The following DCAF17 variants were observed in gnomAD, a reference collection of about 807,000 sequenced individuals.
DCAF17 encodes DDB1- and CUL4-associated factor 17.
DCAF17 carries 48 observed loss-of-function variants against 66.0 expected under a neutral mutation model. The ratio of observed to expected loss-of-function variants is 0.73; its 90% confidence interval spans 0.58 to 0.92. DCAF17 has a LOEUF of 0.92. DCAF17 is among the 40% of genes least tolerant of loss of function. The pLI, the probability that DCAF17 is intolerant of heterozygous loss-of-function variation, is 0.00. For missense variants in DCAF17, 562 were observed against 622.8 expected (o/e 0.90, Z 1.04); for synonymous variants, 206 against 214.6 (o/e 0.96, Z 0.35).
rs1284125030 is a variant in DCAF17 at position 171,479,156 on chromosome 2, A to T, written c.1267-882A>T. Reference sequence around the variant, plus strand: ...TAATAATCAAACGTAATAAATCCATATAAATTTTTATGTCTTAGGGTGGTA... The same window carrying T: ...TAATAATCAAACGTAATAAATCCATTTAAATTTTTATGTCTTAGGGTGGTA... On this transcript the variant is annotated intron_variant, in intron 12 of 13. Transcript: ENST00000375255. 2.0e-5 allele frequency among the ~76,000 whole-genome samples: 3 copies of T among 152,222 alleles called. No homozygotes were observed. The East Asian group carries it at 5.8e-4, about 29-fold the overall frequency.
At chr2:171,474,035 T>C in intron 10 of DCAF17, 60 bp downstream of exon 10, 1 of 1,430,076 alleles carries the variant, frequency 7.0e-7, no homozygotes, top group Non-Finnish European at 9.8e-7. Context: ...TTTATTGGCA[T>C]CTTTATTTTT....
At chr2:171,467,468 C>A (rs983235787) in intron 8 of DCAF17, among the ~76,000 whole-genome samples, 1 of 151,992 alleles carries the variant, frequency 6.6e-6, no homozygotes. Context: ...GCAGGCGGAT[C>A]GCTTGTGGCC....
chr2:171,457,636 C>T lies in DCAF17; in HGVS notation c.628-335C>T, dbSNP rs146963549. ...TAGTAGATTAAATATTCATTTAGAA[C>T]GACATGGCCTTGGTGTATGCCAGTG... On this transcript the variant is annotated intron_variant, in intron 6 of 13. Coordinates refer to ENST00000375255, the MANE Select transcript of DCAF17 (RefSeq NM_025000.4). Among the ~76,000 whole-genome samples the T allele has an allele frequency of 1.2e-3, 184 of 152,222 alleles. 3 individuals carry two copies. The highest frequency in any genetic ancestry group is 4.4e-3 in the African/African-American group (181 of 41,536).
In DCAF17 at chr2:171,458,076, G is replaced by A; in HGVS notation, c.732+1G>A. On this transcript the variant is annotated splice_donor_variant, in intron 7 of 13. Transcript: ENST00000375255. LOFTEE classifies it high-confidence loss of function. ...TAGCTTCCAAACCATCGCTGAACAG[G>A]TAGAGAAAACTGAAATTTGTCATGT... is the stretch of plus-strand genomic sequence containing the variant. 1 of 1,612,908 alleles carries A rather than the reference G, an allele frequency of 6.2e-7. No individual in the cohort carries two copies. The highest frequency in any genetic ancestry group is 8.5e-7 in the Non-Finnish European group (1 of 1,179,160).
Position 171,458,014 on chromosome 2 carries a change from T to C in DCAF17, c.671T>C (p.Leu224Pro), listed in dbSNP as rs1422292058. ...GATGCTACCTTGTCTCATGGAATAC[T>C]GATTGTGATGTACAGCTCAGGACTG... The part of the protein sequence containing the change: ...VTDATLSHGI[L>P]IVMYSSGLVR... The change falls in exon 7 of 14, where the codon CTG (leucine) becomes CCG (proline). Residue 224 changes from leucine to proline, a missense_variant. By Grantham distance (98) the Leu-to-Pro change is moderately conservative. Transcript: ENST00000375255. 1 of 1,614,162 alleles carries C rather than the reference T, an allele frequency of 6.2e-7. No individual in the cohort carries two copies. Among genetic ancestry groups the C allele is most frequent in the Admixed American group, 1.7e-5 (1 of 60,028 alleles).
chr2:171,469,558 G>T (rs116512816), intron 9 of DCAF17, among the ~76,000 whole-genome samples: 8 of 152,136 alleles, frequency 5.3e-5, no homozygotes, highest in African/African-American at 1.9e-4. Context: ...TCTACCCTTC[G>T]AATTCATTTT....
chr2:171,472,544 A>G (rs939297817), intron 9 of DCAF17, among the ~76,000 whole-genome samples: 4 of 152,136 alleles, frequency 2.6e-5, no homozygotes, highest in Non-Finnish European at 5.9e-5. Flanking sequence ...CTTATCCTTT[A>G]AGGCTCATTT....
intron 8 of DCAF17, among the ~76,000 whole-genome samples, chr2:171,468,413 T>C (rs1261689200): frequency 1.3e-5 from 2 of 152,172 alleles, no homozygotes; most frequent in East Asian, 1.9e-4. Context: ...GATGTATACC[T>C]GAGTATACCT....
chr2:171,466,103 A>T (rs981318668), intron 8 of DCAF17, among the ~76,000 whole-genome samples: 1 of 152,076 alleles, frequency 6.6e-6, no homozygotes, highest in Non-Finnish European at 1.5e-5. Flanking sequence ...GGCTCAAGCA[A>T]TCCACCCACC....
rs1372328368 is a variant in DCAF17, at chr2:171,481,484, G to A, written c.*370G>A. 4 of 457,500 alleles carry A rather than the reference G, an allele frequency of 8.7e-6. No individual in the cohort carries two copies. Among genetic ancestry groups the A allele is most frequent in the African/African-American group, 4.0e-5 (2 of 50,148 alleles). 28.3% of individuals were successfully genotyped at this position (457,500 alleles called of 1,614,324 possible). ...TAAAGGATGGTATGGAATTTTGTTT[G>A]TTAAGGCTAGGAAAGACAGGGAGAG... On this transcript the variant is annotated 3_prime_UTR_variant, in exon 14 of 14. Transcript: ENST00000375255.
rs1281715681 is a variant in DCAF17 at position 171,482,234 on chromosome 2, A to T, written c.*1120A>T. On this transcript the variant is annotated 3_prime_UTR_variant, in exon 14 of 14. Transcript: ENST00000375255. The stretch of plus-strand genomic sequence containing the variant: ...TCCATTTCGCATGTTCTGCACATTT[A>T]TCCGATGTAACCTCAAAAGAATAAC... The T allele has an allele frequency of 1.1e-5, 5 of 453,862 alleles. No homozygotes were observed. The highest frequency in any genetic ancestry group is 2.2e-5 in the Non-Finnish European group (5 of 226,734). The allele number at this position is 453,862 out of a possible 1,614,324, so 28.1% of individuals were successfully genotyped here. A position where few individuals can be genotyped will look rare whatever the true frequency, so the allele number is the denominator to read the frequency against.
At chr2:171,435,547 C>CT (rs35241834) in intron 2 of DCAF17, among the ~76,000 whole-genome samples, 27,808 of 136,392 alleles carry the variant, frequency 0.2, 2,877 homozygotes, top group Non-Finnish European at 0.25. Flanking sequence ...AAGTACTTGC[C>CT]TTTTTTTTTT....
intron 11 of DCAF17, 54 bp downstream of exon 11, chr2:171,477,004 A>G (rs1696530041): frequency 1.1e-5 from 14 of 1,297,728 alleles, no homozygotes; most frequent in Non-Finnish European, 1.6e-5. Context: ...TCTATATAAG[A>G]CTATAATATG....
At chr2:171,453,615 G>A (rs1695079757) in intron 6 of DCAF17, among the ~76,000 whole-genome samples, 1 of 152,008 alleles carries the variant, frequency 6.6e-6, no homozygotes, top group African/African-American at 2.4e-5. Context: ...TATATAACAA[G>A]CCTTATATTT....
chr2:171,468,812 G>A, intron 8 of DCAF17, 76 bp from the exon 9 acceptor site: 6 of 1,574,822 alleles, frequency 3.8e-6, no homozygotes, highest in Non-Finnish European at 5.2e-6. Flanking sequence ...TGCAAAGAAA[G>A]GTTGAATTCA....
intron 10 of DCAF17, among the ~76,000 whole-genome samples, chr2:171,474,932 GTC>G (rs1270372758): frequency 2.0e-5 from 3 of 152,234 alleles, no homozygotes; most frequent in African/African-American, 7.2e-5. Flanking sequence ...CTCTTGCGCT[GTC>G]TGTTTTCTTC....
intron 2 of DCAF17, among the ~76,000 whole-genome samples, chr2:171,440,489 C>T (rs1464558278): frequency 6.6e-6 from 1 of 152,006 alleles, no homozygotes; most frequent in Non-Finnish European, 1.5e-5. Flanking sequence ...GTGGGAGGAT[C>T]GCTTGAGCCC....
intron 8 of DCAF17, among the ~76,000 whole-genome samples, chr2:171,466,899 TC>T (rs935195771): frequency 6.6e-6 from 1 of 152,066 alleles, no homozygotes; most frequent in African/African-American, 2.4e-5. Flanking sequence ...ATCCACCATA[TC>T]ATCACATACA....
intron 8 of DCAF17, among the ~76,000 whole-genome samples, chr2:171,461,932 T>G (rs979053542): frequency 6.6e-6 from 1 of 152,230 alleles, no homozygotes; most frequent in African/African-American, 2.4e-5. Flanking sequence ...TTGGTTTGGC[T>G]TCTTTCACTC....
Sources: gnomAD v4.1 joint callset for allele counts (sites outside exome capture counted in the v4.1 genomes callset) on GRCh38, gnomAD v4.1.1 for gene constraint, MANE v1.5 for transcripts, NCBI Gene and HGNC (gene_info 2026-07-23, HGNC 2026-07-21) for gene names.